Variants in HEPHL1 observed in about 807,000 individuals in gnomAD.
HEPHL1 encodes the protein ferroxidase HEPHL1.
Under a neutral mutation model 122.0 loss-of-function variants are expected in HEPHL1, and 123 were observed. The observed-to-expected ratio is 1.01, with a 90% CI of 0.87 to 1.17. The LOEUF (loss-of-function observed/expected upper bound fraction) is 1.17. HEPHL1 is among the 50% of genes most tolerant of loss of function. HEPHL1 has a pLI of 0.00. For missense variants in HEPHL1, 1,452 were observed against 1,430.5 expected (o/e 1.01, Z -0.24); for synonymous variants, 527 against 508.9 (o/e 1.04, Z -0.48).
At chr11:94,098,210 G>C (rs1156596350) in intron 13 of HEPHL1, among the ~76,000 whole-genome samples, 1 of 152,158 alleles carries the variant, frequency 6.6e-6, no homozygotes, top group Admixed American at 6.5e-5. Flanking sequence ...ATGCAGGCCT[G>C]GTGGTGACAA....
intron 13 of HEPHL1, among the ~76,000 whole-genome samples, chr11:94,097,166 A>C (rs1001813011): frequency 6.6e-6 from 1 of 152,116 alleles, no homozygotes; most frequent in Non-Finnish European, 1.5e-5. Flanking sequence ...AGTGCTATAA[A>C]TTTCCCTCTA....
intron 2 of HEPHL1, among the ~76,000 whole-genome samples, chr11:94,053,119 CT>C (rs1565349841): frequency 6.6e-6 from 1 of 151,878 alleles, no homozygotes; most frequent in Non-Finnish European, 1.5e-5. Flanking sequence ...CAGGGAGGAT[CT>C]TTAGTTACTA....
At chr11:94,060,135 T>G (rs1341603498) in intron 2 of HEPHL1, among the ~76,000 whole-genome samples, 1 of 37,298 alleles carries the variant, frequency 2.7e-5, no homozygotes, top group Admixed American at 3.8e-4. Flanking sequence ...TATATATATA[T>G]ATATATATAT....
At chr11:94,096,466 T>C (rs540822630) in intron 13 of HEPHL1, among the ~76,000 whole-genome samples, 3 of 152,288 alleles carry the variant, frequency 2.0e-5, no homozygotes, top group South Asian at 2.1e-4. Context: ...ATTAGGGATA[T>C]TGGTCTAAAA....
intron 1 of HEPHL1, among the ~76,000 whole-genome samples, chr11:94,027,452 G>A (rs952672498): frequency 6.6e-6 from 1 of 152,208 alleles, no homozygotes; most frequent in Non-Finnish European, 1.5e-5. Flanking sequence ...GAGAGCAGGA[G>A]CCCTGGGGGA....
At position 94,031,407 on chromosome 11, in the gene HEPHL1, CT is replaced by C. The variant is rs201556779; in HGVS notation, c.170+9878del. ...ACTTTACATACGGCTCTGCAATTTG[CT>C]TTTTTTTTATTAGTATCTTGGTGAT... On this transcript the variant is annotated intron_variant, in intron 1 of 19. Coordinates refer to ENST00000315765, the MANE Select transcript of HEPHL1 (RefSeq NM_001098672.2). 4.6e-3 allele frequency among the ~76,000 whole-genome samples: 682 copies of C among 149,884 alleles called. 3 individuals are homozygous for C. The highest frequency in any genetic ancestry group is 0.015 in the African/African-American group (610 of 40,850).
At chr11:94,083,766 C>CG (rs1946193696) in intron 10 of HEPHL1, among the ~76,000 whole-genome samples, 1 of 72,836 alleles carries the variant, frequency 1.4e-5, no homozygotes, top group Admixed American at 1.7e-4. Context: ...TGGAGTAGTA[C>CG]ATTTCAGTGT....
chr11:94,094,267 C>T (rs1417118458), intron 13 of HEPHL1, among the ~76,000 whole-genome samples: 19 of 151,646 alleles, frequency 1.3e-4, no homozygotes, highest in South Asian at 6.3e-4. Context: ...TTTGTCCTTG[C>T]GATAGTTTGC....
intron 12 of HEPHL1, 121 bp downstream of exon 12, chr11:94,089,089 C>T (rs1183614632): frequency 2.2e-6 from 2 of 918,474 alleles, no homozygotes; most frequent in Non-Finnish European, 3.4e-6. Flanking sequence ...CCGACAGAGA[C>T]TTTTACTTAT....
At chr11:94,105,944 C>G in intron 16 of HEPHL1, 47 bp from the exon 17 acceptor site, 1 of 1,334,980 alleles carries the variant, frequency 7.5e-7, no homozygotes, top group East Asian at 2.4e-5. Flanking sequence ...AAAAAATCAG[C>G]TTATCTTTTA....
chr11:94,022,221 C>T (rs1044300388), intron 1 of HEPHL1, among the ~76,000 whole-genome samples: 10 of 152,164 alleles, frequency 6.6e-5, no homozygotes, highest in Non-Finnish European at 1.0e-4. Flanking sequence ...TTTCTCCCTG[C>T]CCCCTCCAGG....
At chr11:94,087,865 C>A (rs370599920) in intron 11 of HEPHL1, among the ~76,000 whole-genome samples, 3 of 152,146 alleles carry the variant, frequency 2.0e-5, no homozygotes, top group Non-Finnish European at 2.9e-5. Flanking sequence ...GATGTTTAGA[C>A]AACAGAGTTA....
In HEPHL1 at chr11:94,075,303, A is replaced by T. The variant is rs1252476059; in HGVS notation, c.1634A>T (p.Asp545Val). 3 of 1,613,526 alleles carry T rather than the reference A, an allele frequency of 1.9e-6. No homozygotes were observed. The highest frequency in any genetic ancestry group is 4.5e-5 in the East Asian group (2 of 44,864). The change falls in exon 9 of 20, where the codon GAT (aspartate) becomes GTT (valine). Residue 545 changes from aspartate to valine, a missense_variant. Coordinates refer to ENST00000315765, the MANE Select transcript of HEPHL1 (RefSeq NM_001098672.2). ...ACCTATCTTTACTTCTCAGCAGTTG[A>T]TCCAATTAAGGACACCAGCTCTGGC... The part of the protein sequence containing the change: ...CLTYLYFSAV[D>V]PIKDTSSGLV...
chr11:94,045,709 G>A lies in HEPHL1; in HGVS notation c.207G>A (p.Arg69=), dbSNP rs758594442. 1 of 1,612,232 alleles carries A rather than the reference G, an allele frequency of 6.2e-7. No individual in the cohort carries two copies. The highest frequency in any genetic ancestry group is 8.5e-7 in the Non-Finnish European group (1 of 1,178,972). ...TATTTCTCGAAAGAGGGCCCAACAG[G>A]ATAGGCAGTATTTACAAAAAGGCTG... ...ATLFLERGPN[R]IGSIYKKAVY... Residue 69 remains arginine, a synonymous_variant, in exon 2 of 20, where the codon AGG becomes AGA. Coordinates refer to ENST00000315765, the MANE Select transcript of HEPHL1 (RefSeq NM_001098672.2).
At chr11:94,101,106 T>G (rs1252058160) in intron 13 of HEPHL1, 89 bp from the exon 14 acceptor site, 1 of 1,442,506 alleles carries the variant, frequency 6.9e-7, no homozygotes, top group African/African-American at 1.4e-5. Flanking sequence ...AGCCAAACTA[T>G]TTTATTTGAC....
intron 1 of HEPHL1, among the ~76,000 whole-genome samples, chr11:94,042,783 A>C (rs1334238943): frequency 6.9e-6 from 1 of 144,062 alleles, no homozygotes; most frequent in African/African-American, 2.6e-5. Context: ...CTAGATGACG[A>C]GTTAGTGGGT....
rs531178214 is a variant in HEPHL1, at chr11:94,067,427, T to C, written c.809-69T>C. 1.1e-5 allele frequency: 16 copies of C among 1,506,088 alleles called. No homozygotes were observed. In the East Asian group the frequency reaches 3.2e-4, roughly 30 times the overall value. The allele number at this position is 1,506,088 out of a possible 1,614,324, so 93.3% of individuals were successfully genotyped here. On this transcript the variant is annotated intron_variant, in intron 4 of 19. Transcript: ENST00000315765. ...TTTTCCAGCCATGCTTAAGCCCGTA[T>C]TACCAACATTTCTGGTCCCAGTCGC...
chr11:94,049,618 TAA>T (rs3995730), intron 2 of HEPHL1, among the ~76,000 whole-genome samples: 3 of 138,358 alleles, frequency 2.2e-5, no homozygotes, highest in African/African-American at 8.0e-5. Flanking sequence ...TAGGATGTAG[TAA>T]AAAAAAAAAA....
chr11:94,104,635 G>A lies in HEPHL1; in HGVS notation c.2790G>A (p.Leu930=). Residue 930 remains leucine (L), a synonymous_variant, in exon 16 of 20, where the codon TTG becomes TTA. Coordinates refer to ENST00000315765, the MANE Select transcript of HEPHL1 (RefSeq NM_001098672.2). ...DVDYEFALLF[L]VFNENESWYL... The stretch of plus-strand genomic sequence containing the variant: ...ATTATGAATTTGCTCTCTTGTTTTT[G>A]GTATTTAATGAGAATGAATCCTGGT... 1 of 1,613,524 alleles carries A rather than the reference G, an allele frequency of 6.2e-7. No individual in the cohort carries two copies. Among genetic ancestry groups the A allele is most frequent in the Non-Finnish European group, 8.5e-7 (1 of 1,179,528 alleles).
Sources: gnomAD v4.1 joint callset for allele counts (sites outside exome capture counted in the v4.1 genomes callset) on GRCh38, gnomAD v4.1.1 for gene constraint, MANE v1.5 for transcripts, NCBI Gene and HGNC (gene_info 2026-07-23, HGNC 2026-07-21) for gene names.